The following ADAM7 variants were observed in gnomAD, a reference collection of about 807,000 sequenced individuals.
The protein encoded by ADAM7 is ADAM metallopeptidase domain 7.
Under a neutral mutation model 102.9 loss-of-function variants are expected in ADAM7, and 97 were observed. The ratio of observed to expected loss-of-function variants is 0.94; its 90% confidence interval spans 0.80 to 1.12. The LOEUF is 1.12. Ranked by LOEUF, ADAM7 falls within the 50% of genes most tolerant of loss-of-function variation. The pLI is 0.00. For missense variants in ADAM7, 991 were observed against 908.7 expected, an observed-to-expected ratio of 1.09 and a Z score of -1.16; for synonymous variants, 334 against 304.4, an observed-to-expected ratio of 1.10 and a Z score of -1.01.
At chr8:24,460,439 T>A (rs566515781) in intron 3 of ADAM7, among the ~76,000 whole-genome samples, 83 of 152,198 alleles carry the variant, frequency 5.5e-4, no homozygotes, top group African/African-American at 1.7e-3. Context: ...GAATTATTTC[T>A]TTTATGTTTA....
chr8:24,493,145 T>C lies in ADAM7; in HGVS notation c.1758T>C (p.Thr586=). The change falls in exon 16 of 22, where the codon ACT becomes ACC. Residue 586 remains threonine, a synonymous_variant. Coordinates refer to ENST00000175238, the MANE Select transcript of ADAM7 (RefSeq NM_003817.4). Reference sequence around the variant, plus strand: ...TTAAGGATCCCCAGAAGAATGCTACTGTCAAATGCAAAACTATTTTTTTAT... The same window carrying C: ...TTAAGGATCCCCAGAAGAATGCTACCGTCAAATGCAAAACTATTTTTTTAT... ...YHLKDPQKNA[T]VKCKTIFLYH... 1 of 1,613,580 alleles carries C rather than the reference T, an allele frequency of 6.2e-7. No individual in the cohort carries two copies. Among genetic ancestry groups the C allele is most frequent in the Non-Finnish European group, 8.5e-7 (1 of 1,179,684 alleles).
chr8:24,465,552 G>T (rs1375077272), intron 4 of ADAM7, 147 bp from the exon 5 acceptor site: 4 of 448,334 alleles, frequency 8.9e-6, no homozygotes, highest in African/African-American at 6.1e-5. Flanking sequence ...CCAAATGAAA[G>T]AATTTAATGA....
At chr8:24,500,735 T>C in intron 18 of ADAM7, 55 bp from the exon 19 acceptor site, 3 of 1,401,720 alleles carry the variant, frequency 2.1e-6, no homozygotes, top group Non-Finnish European at 3.0e-6. Context: ...ATGTTAATAT[T>C]CCACTGTTTT....
chr8:24,473,404 C>T (rs1407312038), intron 7 of ADAM7, among the ~76,000 whole-genome samples: 2 of 152,064 alleles, frequency 1.3e-5, no homozygotes, highest in Admixed American at 6.6e-5. Context: ...TTCAGCTGGC[C>T]ATGTATCTCC....
In ADAM7 at chr8:24,463,908, A is replaced by T; in HGVS notation, c.260A>T (p.Glu87Val). The change falls in exon 4 of 22, where the codon GAA (glutamate) becomes GTA (valine). Residue 87 changes from glutamate (E) to valine (V), a missense_variant. Transcript: ENST00000175238. Reference protein sequence around the residue: ...SREFLGSNYSETFYSMKGEAF... With the variant: ...SREFLGSNYSVTFYSMKGEAF... ...GAGTTCCTAGGCTCAAATTACAGTG[A>T]AACATTCTACTCCATGAAAGGAGAA... is the stretch of plus-strand genomic sequence containing the variant. The T allele has an allele frequency of 6.2e-7, 1 of 1,613,880 alleles. No homozygotes were observed. Among genetic ancestry groups the T allele is most frequent in the East Asian group, 2.2e-5 (1 of 44,836 alleles).
intron 20 of ADAM7, among the ~76,000 whole-genome samples, chr8:24,507,128 G>A (rs1820977268): frequency 1.3e-5 from 2 of 152,006 alleles, no homozygotes; most frequent in African/African-American, 4.8e-5. Context: ...CAATTTTACT[G>A]AGATTCCAAC....
intron 14 of ADAM7, 43 bp downstream of exon 14, chr8:24,492,141 T>A: frequency 6.4e-7 from 1 of 1,562,396 alleles, no homozygotes. Flanking sequence ...GATGGTGGCC[T>A]CTATTTCTCT....
chr8:24,448,829 T>C (rs548106215), intron 3 of ADAM7, among the ~76,000 whole-genome samples: 2 of 152,056 alleles, frequency 1.3e-5, no homozygotes, highest in African/African-American at 4.8e-5. Context: ...CAGTCCCCAG[T>C]GTGTGATGTT....
At position 24,491,318 on chromosome 8, in the gene ADAM7, T is replaced by C. The variant is rs1820342984; in HGVS notation, c.1356+430T>C. 2.0e-5 allele frequency among the ~76,000 whole-genome samples: 3 copies of C among 151,904 alleles called. No individual in the cohort carries two copies. The South Asian group carries it at 6.2e-4, about 32-fold the overall frequency. The stretch of plus-strand genomic sequence containing the variant: ...AAACCCCAATGGCTCTGTCCAAGAG[T>C]TTACTGACACTTCTTTCACTCAACT... On this transcript the variant is annotated intron_variant, in intron 13 of 21. Transcript: ENST00000175238.
intron 4 of ADAM7, 66 bp downstream of exon 4, chr8:24,464,026 C>A: frequency 7.2e-7 from 1 of 1,397,414 alleles, no homozygotes; most frequent in Non-Finnish European, 1.0e-6. Context: ...ATTTTGAAAC[C>A]CTGTTCTAGC....
chr8:24,460,669 A>G (rs1819207272), intron 3 of ADAM7, among the ~76,000 whole-genome samples: 1 of 151,926 alleles, frequency 6.6e-6, no homozygotes, highest in Non-Finnish European at 1.5e-5. Context: ...CAATAAGTTC[A>G]TTTACAGACA....
rs1165042067 is a variant in ADAM7, at chr8:24,463,150, C to T, written c.234-732C>T. Reference sequence around the variant, plus strand: ...AATATCTTTTGAAGTGTGAAATACACCTTATGAAGGGATCTCAAAATCTGC... The same window carrying T: ...AATATCTTTTGAAGTGTGAAATACATCTTATGAAGGGATCTCAAAATCTGC... On this transcript the variant is annotated intron_variant, in intron 3 of 21. Coordinates refer to ENST00000175238, the MANE Select transcript of ADAM7 (RefSeq NM_003817.4). Among the ~76,000 whole-genome samples the T allele has an allele frequency of 3.9e-5, 6 of 152,024 alleles. 1 individual carries two copies. The highest frequency in any genetic ancestry group is 1.5e-4 in the African/African-American group (6 of 41,372).
intron 3 of ADAM7, among the ~76,000 whole-genome samples, chr8:24,453,998 C>T (rs894288254): frequency 2.6e-5 from 4 of 152,146 alleles, no homozygotes; most frequent in Admixed American, 6.5e-5. Flanking sequence ...GCTGTCTGAT[C>T]ATTCCTCTGG....
At chr8:24,442,347 CAT>C (rs2129370936) in intron 1 of ADAM7, 124 bp from the exon 2 acceptor site, 1 of 733,324 alleles carries the variant, frequency 1.4e-6, no homozygotes, top group East Asian at 2.5e-5. Flanking sequence ...AATAACATTT[CAT>C]AGTGTTGCTG....
At chr8:24,452,273 G>A (rs1818825314) in intron 3 of ADAM7, among the ~76,000 whole-genome samples, 1 of 150,392 alleles carries the variant, frequency 6.6e-6, no homozygotes, top group Non-Finnish European at 1.5e-5. Flanking sequence ...CATTATTATT[G>A]TGTGGGAGTC....
intron 7 of ADAM7, among the ~76,000 whole-genome samples, chr8:24,472,122 C>CAA (rs55708871): frequency 8.9e-4 from 91 of 102,756 alleles, no homozygotes; most frequent in African/African-American, 2.1e-3. Context: ...AAAAAGATAA[C>CAA]AAAAAAAAAA....
At chr8:24,485,712 C>G (rs1358722009) in intron 10 of ADAM7, among the ~76,000 whole-genome samples, 4 of 152,076 alleles carry the variant, frequency 2.6e-5, no homozygotes, top group African/African-American at 9.7e-5. Flanking sequence ...GATAATTGTT[C>G]TAGTGCTGAT....
At chr8:24,508,076 A>AT (rs1417769189) in intron 21 of ADAM7, among the ~76,000 whole-genome samples, 2 of 152,148 alleles carry the variant, frequency 1.3e-5, no homozygotes, top group Non-Finnish European at 1.5e-5. Context: ...GCTTCAGTAC[A>AT]TTTTGAGTTT....
rs1160421248 is a variant in ADAM7 at position 24,493,086 on chromosome 8, T to G, written c.1699T>G (p.Ser567Ala). The change falls in exon 16 of 22, where the codon TCC becomes GCC. Residue 567 changes from serine (S) to alanine (A), a missense_variant. Coordinates refer to ENST00000175238, the MANE Select transcript of ADAM7 (RefSeq NM_003817.4). ...GATCTACTGCACTGGAGGGGAGCTT[T>G]CCTCTCTCCTTGGAGAAGACAAGAC... ...GKIYCTGGEL[S>A]SLLGEDKTYH... 2 of 1,610,586 alleles carry G rather than the reference T, an allele frequency of 1.2e-6. No homozygotes were observed. Among genetic ancestry groups the G allele is most frequent in the Admixed American group, 3.4e-5 (2 of 59,422 alleles).
Sources: allele counts gnomAD v4.1 joint callset (sites outside exome capture counted in the v4.1 genomes callset), GRCh38; gene constraint gnomAD v4.1.1; transcripts MANE v1.5; gene names NCBI Gene and HGNC (gene_info 2026-07-23, HGNC 2026-07-21).